Variants in DMD observed in about 807,000 individuals in gnomAD.
DMD encodes mutant dystrophin.
A neutral mutation model predicts 330.1 loss-of-function variants in DMD; 63 were observed. That is an observed-to-expected ratio of 0.19 (90% confidence interval 0.16 to 0.24). The LOEUF (loss-of-function observed/expected upper bound fraction) is 0.24, where lower values mean the gene tolerates loss of function less well. Among genes scored for constraint, DMD ranks in the 10% least tolerant of loss-of-function variants. The pLI is 1.00. For synonymous variants in DMD, 1,223 were observed against 959.8 expected, an observed-to-expected ratio of 1.27 and a Z score of -5.07; for missense variants, 3,344 against 2,684.1, an observed-to-expected ratio of 1.25 and a Z score of -5.43.
intron 63 of DMD, among the ~76,000 whole-genome samples, chrX:31,246,391 G>C (rs2048831893): frequency 8.9e-6 from 1 of 112,636 alleles, no homozygotes; most frequent in African/African-American, 3.2e-5. Flanking sequence ...AAGTTTTCCA[G>C]ATGAAGCTAA....
intron 9 of DMD, among the ~76,000 whole-genome samples, chrX:32,667,261 T>C (rs1217342297): frequency 2.7e-5 from 3 of 111,710 alleles, no homozygotes; most frequent in African/African-American, 9.8e-5. Context: ...TGGTTATTAC[T>C]GGCCCGGAAG....
At position 31,576,300 on chromosome X, in the gene DMD, G is replaced by A. The variant is rs750062849; in HGVS notation, c.8217+51373C>T. Among the ~76,000 whole-genome samples, 11 of 111,302 alleles carry A rather than the reference G, an allele frequency of 9.9e-5. No individual in the cohort carries two copies. In the East Asian group the frequency reaches 2.8e-3, roughly 28 times the overall value. On this transcript the variant is annotated intron_variant, in intron 55 of 78. Transcript: ENST00000357033. ...ATGGTAGGCAAGTATGTTTTATAGC[G>A]GTTTTAATATCATTCAAAATTTTCT...
chrX:32,706,792 G>A (rs1365619354), intron 7 of DMD, among the ~76,000 whole-genome samples: 1 of 111,472 alleles, frequency 9.0e-6, no homozygotes, highest in East Asian at 2.8e-4. Flanking sequence ...AGTAATGATA[G>A]TGATTGTAAA....
chrX:32,229,726 A>ATATATAT (rs1569552140), intron 43 of DMD, among the ~76,000 whole-genome samples: 46 of 81,539 alleles, frequency 5.6e-4, no homozygotes, highest in Non-Finnish European at 7.7e-4. Flanking sequence ...ATATATATAT[A>ATATATAT]AAATCAAAGA....
At chrX:32,103,904 G>T (rs778223808) in intron 44 of DMD, among the ~76,000 whole-genome samples, 1 of 111,735 alleles carries the variant, frequency 8.9e-6, no homozygotes, top group African/African-American at 3.2e-5. Flanking sequence ...CAAAAGAATA[G>T]GATTGAGTGT....
intron 2 of DMD, among the ~76,000 whole-genome samples, chrX:32,938,593 C>T (rs1348714819): frequency 8.9e-6 from 1 of 111,773 alleles, no homozygotes; most frequent in Non-Finnish European, 1.9e-5. Context: ...CTACCAACCC[C>T]AGTTACTGTA....
At chrX:32,212,080 T>C (rs1476695204) in intron 44 of DMD, among the ~76,000 whole-genome samples, 2 of 112,093 alleles carry the variant, frequency 1.8e-5, no homozygotes, top group East Asian at 5.6e-4. Flanking sequence ...ATTATTTGTG[T>C]CACTTTCCTT....
intron 2 of DMD, among the ~76,000 whole-genome samples, chrX:32,889,087 G>A (rs1025319116): frequency 6.3e-5 from 7 of 110,438 alleles, no homozygotes; most frequent in African/African-American, 2.3e-4. Flanking sequence ...AAGGTTGGGG[G>A]TATCCAGGTG....
chrX:32,801,892 T>C (rs542364002), intron 7 of DMD, among the ~76,000 whole-genome samples: 22 of 112,104 alleles, frequency 2.0e-4, no homozygotes, highest in Admixed American at 8.5e-4. Context: ...ACCAGTATCA[T>C]GCTGTTTTGG....
At chrX:33,309,905 C>T (rs1225819680) in intron 1 of DMD, among the ~76,000 whole-genome samples, 5 of 111,126 alleles carry the variant, frequency 4.5e-5, no homozygotes, top group Non-Finnish European at 9.5e-5. Flanking sequence ...AAAAATGAAG[C>T]ATAGAAGTAT....
chrX:31,284,606 T>TTC (rs2147926394), intron 62 of DMD, among the ~76,000 whole-genome samples: 1 of 96,975 alleles, frequency 1.0e-5, no homozygotes, highest in African/African-American at 3.8e-5. Flanking sequence ...CTTCTTCTTC[T>TTC]TTTTTTTGGC....
intron 1 of DMD, among the ~76,000 whole-genome samples, chrX:33,222,643 T>A (rs904910575): frequency 2.4e-4 from 27 of 112,134 alleles, no homozygotes; most frequent in African/African-American, 6.8e-4. Flanking sequence ...ATTTTCAAGC[T>A]ATCTATAAAT....
At chrX:31,131,935 C>T (rs1321714319) in intron 77 of DMD, among the ~76,000 whole-genome samples, 2 of 112,000 alleles carry the variant, frequency 1.8e-5, no homozygotes, top group Non-Finnish European at 3.8e-5. Flanking sequence ...CATGGTATTA[C>T]AGAATGATAG....
At chrX:31,570,955 C>A (rs991305389) in intron 55 of DMD, among the ~76,000 whole-genome samples, 1 of 111,578 alleles carries the variant, frequency 9.0e-6, no homozygotes, top group Non-Finnish European at 1.9e-5. Flanking sequence ...CTGGCTGGCC[C>A]ATCAATTTTT....
intron 1 of DMD, among the ~76,000 whole-genome samples, chrX:33,071,878 C>T (rs894987802): frequency 4.5e-5 from 5 of 111,953 alleles, no homozygotes; most frequent in Admixed American, 3.8e-4. Context: ...GCATCTTTTA[C>T]ATTTTTCGTA....
chrX:32,288,608 A>G (rs1470174265), intron 42 of DMD, among the ~76,000 whole-genome samples: 2 of 111,610 alleles, frequency 1.8e-5, no homozygotes, highest in African/African-American at 6.5e-5. Context: ...GGATCATATC[A>G]CTCCTCTGCT....
At chrX:32,660,022 G>A (rs1295554316) in intron 9 of DMD, among the ~76,000 whole-genome samples, 1 of 110,875 alleles carries the variant, frequency 9.0e-6, no homozygotes, top group Non-Finnish European at 1.9e-5. Context: ...TGAAAGCAGT[G>A]GAAAGTTCTT....
intron 16 of DMD, among the ~76,000 whole-genome samples, chrX:32,555,675 C>T (rs1028043858): frequency 3.2e-4 from 36 of 111,308 alleles, no homozygotes; most frequent in Admixed American, 1.1e-3. Flanking sequence ...AATAAGACCA[C>T]GCACCTACAA....
intron 42 of DMD, among the ~76,000 whole-genome samples, chrX:32,304,457 C>T (rs2097533775): frequency 9.0e-6 from 1 of 110,720 alleles, no homozygotes; most frequent in East Asian, 2.8e-4. Flanking sequence ...TGGATAATTT[C>T]CTACAAGAGA....
Sources: allele counts gnomAD v4.1 joint callset (sites outside exome capture counted in the v4.1 genomes callset), GRCh38; gene constraint gnomAD v4.1.1; transcripts MANE v1.5; gene names NCBI Gene and HGNC (gene_info 2026-07-23, HGNC 2026-07-21).